GABBR2: variants seen among roughly 807,000 people sequenced by gnomAD.
GABBR2 encodes gamma-aminobutyric acid type B receptor subunit 2.
A neutral mutation model predicts 105.6 loss-of-function variants in GABBR2; 23 were observed. The ratio of observed to expected loss-of-function variants is 0.22; its 90% CI spans 0.16 to 0.31. GABBR2 has a LOEUF of 0.31. Among genes scored for constraint, GABBR2 ranks in the 10% least tolerant of loss-of-function variants. The pLI, the probability that GABBR2 is intolerant of heterozygous loss-of-function variation, is 1.00. For synonymous variants in GABBR2, 478 were observed against 499.7 expected, an observed-to-expected ratio of 0.96 and a Z score of 0.58; for missense variants, 734 against 1,245.5, an observed-to-expected ratio of 0.59 and a Z score of 6.18.
chr9:98,578,193 G>C, intron 1 of GABBR2, 121 bp from the exon 2 acceptor site: 1 of 1,118,276 alleles, frequency 8.9e-7, no homozygotes, highest in Non-Finnish European at 1.3e-6. Context: ...TCCCATGGTG[G>C]GGAGTCTCCT....
intron 1 of GABBR2, among the ~76,000 whole-genome samples, chr9:98,645,468 G>C (rs1174551604): frequency 6.6e-6 from 1 of 152,178 alleles, no homozygotes; most frequent in Admixed American, 6.5e-5. Flanking sequence ...ACTATCATCA[G>C]AGTGTTGAAG....
At chr9:98,495,196 A>G (rs1332214132) in intron 4 of GABBR2, among the ~76,000 whole-genome samples, 1 of 152,216 alleles carries the variant, frequency 6.6e-6, no homozygotes, top group Non-Finnish European at 1.5e-5. Flanking sequence ...CAGGCTCTGT[A>G]TCTGCTCTGG....
At chr9:98,302,250 C>T (rs1229879443) in intron 16 of GABBR2, among the ~76,000 whole-genome samples, 1 of 152,202 alleles carries the variant, frequency 6.6e-6, no homozygotes, top group Non-Finnish European at 1.5e-5. Context: ...CCAAAATATG[C>T]ACAATTTTTG....
In GABBR2 at chr9:98,550,537, C is replaced by T. The variant is rs113366574; in HGVS notation, c.460-8494G>A. ...ACTGCCTCCATCCTCACCACCACAG[C>T]CCCTCAGAAATGATACAAGCCCCTC... On this transcript the variant is annotated intron_variant, in intron 2 of 18. Coordinates refer to ENST00000259455, the MANE Select transcript of GABBR2 (RefSeq NM_005458.8). Among the ~76,000 whole-genome samples, 684 of 152,282 alleles carry T rather than the reference C, an allele frequency of 4.5e-3. 7 individuals are homozygous for T. The highest frequency in any genetic ancestry group is 0.016 in the African/African-American group (644 of 41,536).
At chr9:98,640,121 C>CATATATATATATATATATATAT (rs6151094) in intron 1 of GABBR2, among the ~76,000 whole-genome samples, 55 of 140,878 alleles carry the variant, frequency 3.9e-4, no homozygotes, top group African/African-American at 6.7e-4. Flanking sequence ...AAAATACAAC[C>CATATATATATATATATATATAT]ATATATATAT....
intron 3 of GABBR2, among the ~76,000 whole-genome samples, chr9:98,502,421 G>A (rs9695768): frequency 0.034 from 5,219 of 152,232 alleles, 330 homozygotes; most frequent in African/African-American, 0.12. Context: ...AGAGGACGCC[G>A]GGTACTGCCC....
intron 1 of GABBR2, among the ~76,000 whole-genome samples, chr9:98,636,980 A>G (rs1294455842): frequency 6.6e-6 from 1 of 152,104 alleles, no homozygotes; most frequent in South Asian, 2.1e-4. Context: ...TCTTGAGGGG[A>G]GGAACGTTTG....
At chr9:98,587,103 T>G (rs1250121675) in intron 1 of GABBR2, among the ~76,000 whole-genome samples, 1 of 152,232 alleles carries the variant, frequency 6.6e-6, no homozygotes, top group African/African-American at 2.4e-5. Context: ...GCCAGTCTTG[T>G]GGGTATTTGA....
At position 98,574,627 on chromosome 9, in the gene GABBR2, G is replaced by A. The variant is rs547450631; in HGVS notation, c.459+3308C>T. On this transcript the variant is annotated intron_variant, in intron 2 of 18. Transcript: ENST00000259455. ...TGCTGTTTTAAGACACTAAATTTGG[G>A]GGGATTTGTTACCCAGTGGTAAATA... Among the ~76,000 whole-genome samples, 48 of 152,312 alleles carry A rather than the reference G, an allele frequency of 3.2e-4. No individual in the cohort carries two copies. In the Middle Eastern group the frequency reaches 0.01, roughly 32 times the overall value.
intron 7 of GABBR2, among the ~76,000 whole-genome samples, chr9:98,409,877 A>T (rs765207997): frequency 1.3e-5 from 2 of 152,152 alleles, no homozygotes; most frequent in Non-Finnish European, 2.9e-5. Context: ...TATCCTGATA[A>T]ACTTCCTGTA....
chr9:98,545,437 A>C (rs1828379588), intron 2 of GABBR2, among the ~76,000 whole-genome samples: 1 of 152,204 alleles, frequency 6.6e-6, no homozygotes, highest in African/African-American at 2.4e-5. Flanking sequence ...GCAGGTGCCC[A>C]GTAGCACTGC....
intron 4 of GABBR2, among the ~76,000 whole-genome samples, chr9:98,489,338 A>G (rs570462771): frequency 6.6e-6 from 1 of 152,270 alleles, no homozygotes; most frequent in African/African-American, 2.4e-5. Context: ...AGAGAAGAGG[A>G]GCCCTCTGGA....
At chr9:98,556,558 T>C (rs1408767663) in intron 2 of GABBR2, among the ~76,000 whole-genome samples, 2 of 152,102 alleles carry the variant, frequency 1.3e-5, no homozygotes, top group Non-Finnish European at 2.9e-5. Context: ...CCAGGATCAG[T>C]GGCTGGGGCG....
At chr9:98,314,651 TCTC>T (rs770447273) in intron 13 of GABBR2, among the ~76,000 whole-genome samples, 1 of 152,036 alleles carries the variant, frequency 6.6e-6, no homozygotes, top group Non-Finnish European at 1.5e-5. Flanking sequence ...GCCACAGCCT[TCTC>T]CTCCTGGACC....
chr9:98,312,172 AT>A (rs2131363496), intron 13 of GABBR2, among the ~76,000 whole-genome samples: 1 of 152,326 alleles, frequency 6.6e-6, no homozygotes, highest in South Asian at 2.1e-4. Flanking sequence ...CCATTTTCAG[AT>A]TTTGCCAATT....
intron 3 of GABBR2, among the ~76,000 whole-genome samples, chr9:98,538,173 C>T (rs1034300709): frequency 6.6e-6 from 1 of 152,248 alleles, no homozygotes; most frequent in Non-Finnish European, 1.5e-5. Context: ...TCTTCAGTAC[C>T]TGCAAGGTAG....
At chr9:98,323,831 C>G (rs569903564) in intron 13 of GABBR2, among the ~76,000 whole-genome samples, 2 of 152,184 alleles carry the variant, frequency 1.3e-5, no homozygotes, top group African/African-American at 4.8e-5. Context: ...AAGTCCAAGC[C>G]CAGCTTGGCG....
intron 7 of GABBR2, among the ~76,000 whole-genome samples, chr9:98,420,701 G>C (rs1454011869): frequency 6.6e-6 from 1 of 152,208 alleles, no homozygotes. Flanking sequence ...TTCCTGGAGA[G>C]AGGGTTTCTC....
chr9:98,679,454 A>G (rs1217759463), intron 1 of GABBR2, among the ~76,000 whole-genome samples: 1 of 152,242 alleles, frequency 6.6e-6, no homozygotes, highest in Non-Finnish European at 1.5e-5. Flanking sequence ...ATCACTCACA[A>G]TAGTGACAAA....
Sources: gnomAD v4.1 joint callset for allele counts (sites outside exome capture counted in the v4.1 genomes callset) on GRCh38, gnomAD v4.1.1 for gene constraint, MANE v1.5 for transcripts, NCBI Gene and HGNC (gene_info 2026-07-23, HGNC 2026-07-21) for gene names.